The following PTCHD4 variants were observed in gnomAD, a reference collection of about 807,000 sequenced individuals.
The protein encoded by PTCHD4 is patched domain containing 4.
A neutral mutation model predicts 58.1 loss-of-function variants in PTCHD4; 33 were observed. The ratio of observed to expected loss-of-function variants is 0.57; its 90% confidence interval spans 0.43 to 0.76. The LOEUF is 0.76. Among genes scored for constraint, PTCHD4 ranks in the 30% least tolerant of loss-of-function variants. The pLI, the probability that PTCHD4 is intolerant of heterozygous loss-of-function variation, is 0.00. For missense variants in PTCHD4, 1,058 were observed against 1,027.1 expected (o/e 1.03, Z -0.41); for synonymous variants, 478 against 409.6 (o/e 1.17, Z -2.02).
rs191843424 is a variant in PTCHD4, at chr6:48,102,374, T to C, written c.-970+8675A>G. On this transcript the variant is annotated intron_variant, in intron 1 of 4. Coordinates refer to ENST00000339488, the MANE Select transcript of PTCHD4 (RefSeq NM_001384253.1). ...TATTCTTTATAGGGTTATCTTACCCTGAGATGTAATTTCTAGTGTTCTCGA... is the reference window on the plus strand; with the variant it reads ...TATTCTTTATAGGGTTATCTTACCCCGAGATGTAATTTCTAGTGTTCTCGA... 2.0e-5 allele frequency among the ~76,000 whole-genome samples: 3 copies of C among 152,346 alleles called. No homozygotes were observed. The East Asian group carries it at 5.8e-4, about 29-fold the overall frequency.
chr6:47,933,281 G>A (rs1187491084), intron 4 of PTCHD4, among the ~76,000 whole-genome samples: 1 of 152,180 alleles, frequency 6.6e-6, no homozygotes, highest in Non-Finnish European at 1.5e-5. Context: ...AACTTCAGAT[G>A]CATTTTCTAA....
At chr6:47,988,996 T>G (rs1768182766) in intron 4 of PTCHD4, among the ~76,000 whole-genome samples, 1 of 152,120 alleles carries the variant, frequency 6.6e-6, no homozygotes, top group Admixed American at 6.5e-5. Flanking sequence ...CCTAGAGACT[T>G]GTTGAATGGT....
At position 47,932,607 on chromosome 6, in the gene PTCHD4, C is replaced by T. The variant is rs144302794; in HGVS notation, c.899-52671G>A. Among the ~76,000 whole-genome samples, 272 of 152,354 alleles carry T rather than the reference C, an allele frequency of 1.8e-3. 2 individuals are homozygous for T. The highest frequency in any genetic ancestry group is 6.1e-3 in the African/African-American group (253 of 41,582). ...GAGTCTAATGATGAGTTTTATCAGG[C>T]TACATCTCAGAATGGCCTGCAATAC... On this transcript the variant is annotated intron_variant, in intron 4 of 4. Coordinates refer to ENST00000339488, the MANE Select transcript of PTCHD4 (RefSeq NM_001384253.1).
intron 4 of PTCHD4, among the ~76,000 whole-genome samples, chr6:47,941,404 T>C (rs945387489): frequency 1.3e-5 from 2 of 152,142 alleles, no homozygotes; most frequent in African/African-American, 4.8e-5. Context: ...TCCCTTCTAA[T>C]GGTTTTGAAG....
chr6:47,969,614 T>TA (rs1211918337), intron 4 of PTCHD4, among the ~76,000 whole-genome samples: 2 of 152,088 alleles, frequency 1.3e-5, no homozygotes, highest in Non-Finnish European at 2.9e-5. Context: ...TAAAATTCTT[T>TA]AAAAAATGAC....
chr6:48,085,524 G>C (rs1187049088), intron 1 of PTCHD4, among the ~76,000 whole-genome samples: 1 of 152,100 alleles, frequency 6.6e-6, no homozygotes, highest in African/African-American at 2.4e-5. Flanking sequence ...AAGATCATTT[G>C]CCTTTTTCAT....
chr6:47,969,591 A>T (rs1469220899), intron 4 of PTCHD4, among the ~76,000 whole-genome samples: 1 of 152,192 alleles, frequency 6.6e-6, no homozygotes, highest in Non-Finnish European at 1.5e-5. Flanking sequence ...GTTCAGGTTA[A>T]ATTTTGCTGG....
chr6:47,924,316 G>A lies in PTCHD4; in HGVS notation c.899-44380C>T, dbSNP rs188281795. Reference sequence around the variant, plus strand: ...TTCACTTTAGAGTGAACATGAAGGAGGAGAGAGAAAGAGAAAGATGTTTAA... The same window carrying A: ...TTCACTTTAGAGTGAACATGAAGGAAGAGAGAGAAAGAGAAAGATGTTTAA... On this transcript the variant is annotated intron_variant, in intron 4 of 4. Transcript: ENST00000339488. Among the ~76,000 whole-genome samples, 287 of 152,170 alleles carry A rather than the reference G, an allele frequency of 1.9e-3. 2 individuals are homozygous for A. Among genetic ancestry groups the A allele is most frequent in the African/African-American group, 6.4e-3 (267 of 41,504 alleles).
At position 48,068,379 on chromosome 6, in the gene PTCHD4, G is replaced by C; in HGVS notation, c.268C>G (p.Pro90Ala). 6.2e-7 allele frequency: 1 copy of C among 1,613,972 alleles called. No homozygotes were observed. Among genetic ancestry groups the C allele is most frequent in the Non-Finnish European group, 8.5e-7 (1 of 1,179,890 alleles). The change falls in exon 3 of 5, where the codon CCC (proline) becomes GCC (alanine). Residue 90 changes from proline (P) to alanine (A), a missense_variant. Transcript: ENST00000339488. This position sits in a 1 kb window ranked among gnomAD's most constrained non-coding sequence, Gnocchi z 4.2. ...AGCTGGCTTTTGGACTGGTCCAGGGGGAAAAGGCTGCTGGCCAGGCTGCGC... is the reference window on the plus strand; with the variant it reads ...AGCTGGCTTTTGGACTGGTCCAGGGCGAAAAGGCTGCTGGCCAGGCTGCGC... ...IERSLASSLFPLDQSKSQLYS... is the reference protein window; with the variant it reads ...IERSLASSLFALDQSKSQLYS...
chr6:48,079,364 G>A (rs1390994986), intron 1 of PTCHD4, among the ~76,000 whole-genome samples: 1 of 152,100 alleles, frequency 6.6e-6, no homozygotes, highest in East Asian at 1.9e-4. Context: ...CTTTTCTTGA[G>A]CAAAAGTGGG....
chr6:47,948,016 G>A (rs1766488652), intron 4 of PTCHD4, among the ~76,000 whole-genome samples: 1 of 152,118 alleles, frequency 6.6e-6, no homozygotes, highest in Non-Finnish European at 1.5e-5. Flanking sequence ...TGATTTCTCA[G>A]AAATTTCTTC....
At chr6:47,892,239 G>T (rs1163431971) in intron 4 of PTCHD4, among the ~76,000 whole-genome samples, 4 of 151,880 alleles carry the variant, frequency 2.6e-5, no homozygotes, top group Non-Finnish European at 5.9e-5. Context: ...GGAAGGAATT[G>T]GTAGTTTATA....
chr6:48,093,917 C>T (rs768863765), intron 1 of PTCHD4, among the ~76,000 whole-genome samples: 4 of 152,094 alleles, frequency 2.6e-5, no homozygotes, highest in Admixed American at 2.0e-4. Context: ...GGCATTTTCA[C>T]AGATTCAAAG....
chr6:47,927,678 A>G (rs1581891120), intron 4 of PTCHD4, among the ~76,000 whole-genome samples: 1 of 152,254 alleles, frequency 6.6e-6, no homozygotes, highest in East Asian at 1.9e-4. Flanking sequence ...CATTTTATCA[A>G]TCTGGGTTTG....
At chr6:47,902,353 A>C (rs1764736567) in intron 4 of PTCHD4, among the ~76,000 whole-genome samples, 1 of 152,200 alleles carries the variant, frequency 6.6e-6, no homozygotes, top group African/African-American at 2.4e-5. Context: ...TTCAAGAAAT[A>C]CTTAAATAAG....
intron 4 of PTCHD4, among the ~76,000 whole-genome samples, chr6:47,931,629 A>G (rs1434992597): frequency 6.6e-6 from 1 of 152,254 alleles, no homozygotes; most frequent in Admixed American, 6.5e-5. Context: ...TTAAAACATA[A>G]TCTCCAAATG....
chr6:48,045,413 C>A (rs373712980), intron 3 of PTCHD4, among the ~76,000 whole-genome samples: 7 of 151,898 alleles, frequency 4.6e-5, no homozygotes, highest in South Asian at 4.1e-4. Context: ...ATTATTCTAG[C>A]AATGCCTCTA....
intron 3 of PTCHD4, among the ~76,000 whole-genome samples, chr6:48,023,306 C>T (rs572893010): frequency 6.6e-6 from 1 of 152,194 alleles, no homozygotes; most frequent in South Asian, 2.1e-4. Flanking sequence ...TAGTAAGTTA[C>T]AATGAGCAAA....
At chr6:47,972,721 T>A (rs1767563319) in intron 4 of PTCHD4, among the ~76,000 whole-genome samples, 1 of 152,056 alleles carries the variant, frequency 6.6e-6, no homozygotes, top group African/African-American at 2.4e-5. Context: ...TTTGTCTGCA[T>A]ATGTACTAAT....
Sources: gnomAD v4.1 joint callset for allele counts (sites outside exome capture counted in the v4.1 genomes callset) on GRCh38, gnomAD v4.1.1 for gene constraint, Gnocchi (gnomAD v3.1) non-coding constraint, MANE v1.5 for transcripts, NCBI Gene and HGNC (gene_info 2026-07-23, HGNC 2026-07-21) for gene names.